The following ZCCHC14 variants were observed in gnomAD, a reference collection of about 807,000 sequenced individuals.
The protein encoded by ZCCHC14 is zinc finger CCHC-type containing 14, also known as zinc finger CCHC domain-containing protein 14.
A neutral mutation model predicts 85.0 loss-of-function variants in ZCCHC14; 16 were observed. The observed-to-expected ratio is 0.19, with a 90% CI of 0.13 to 0.29. The LOEUF (loss-of-function observed/expected upper bound fraction) is 0.29. Ranked by LOEUF, ZCCHC14 falls within the 10% of genes least tolerant of loss-of-function variation. The pLI is 1.00. For missense variants in ZCCHC14, 1,303 were observed against 1,443.5 expected (o/e 0.90, Z 1.58); for synonymous variants, 775 against 630.7 (o/e 1.23, Z -3.43).
At chr16:87,419,740 T>G (rs780718999) in intron 6 of ZCCHC14, 43 bp downstream of exon 6, 20 of 1,513,008 alleles carry the variant, frequency 1.3e-5, no homozygotes, top group African/African-American at 1.0e-4. Flanking sequence ...CCAGCTGTTT[T>G]TTTTTTTTTT....
intron 2 of ZCCHC14, among the ~76,000 whole-genome samples, chr16:87,454,095 G>C (rs886719134): frequency 2.0e-5 from 3 of 152,092 alleles, no homozygotes; most frequent in African/African-American, 7.2e-5. Context: ...CAGATAAAAA[G>C]AAAATGTCCC....
At position 87,410,319 on chromosome 16, in the gene ZCCHC14, T is replaced by C; in HGVS notation, c.3222A>G (p.Lys1074=). The C allele has an allele frequency of 1.3e-6, 1 of 776,680 alleles. No homozygotes were observed. Among genetic ancestry groups the C allele is most frequent in the Non-Finnish European group, 2.4e-6 (1 of 416,650 alleles). 48.1% of individuals were successfully genotyped at this position (776,680 alleles called of 1,614,324 possible). ...DFNRPGTFRL[K]YAPPAESLDS... ...CCAGACTTTCTGCTGGAGGGGCGTA[T>C]TTCAACCTAAAAGTACCTAGAGAGA... Residue 1074 remains lysine (K), a synonymous_variant, in exon 13 of 13, where the codon AAA becomes AAG. Transcript: ENST00000671377.
At chr16:87,456,532 CCAAAAAAAAAAA>C (rs1910974982) in intron 2 of ZCCHC14, among the ~76,000 whole-genome samples, 2 of 7,836 alleles carry the variant, frequency 2.6e-4, no homozygotes, top group African/African-American at 3.0e-4. Context: ...GACTCTGTCT[CCAAAAAAAAAAA>C]AAAAAAAAAA....
chr16:87,445,155 C>T (rs1399718375), intron 2 of ZCCHC14, among the ~76,000 whole-genome samples: 2 of 151,706 alleles, frequency 1.3e-5, no homozygotes, highest in Admixed American at 1.3e-4. Flanking sequence ...CAACCTCTGC[C>T]TCCCAGGTTC....
chr16:87,466,948 G>A (rs1401244990), intron 1 of ZCCHC14, among the ~76,000 whole-genome samples: 1 of 150,724 alleles, frequency 6.6e-6, no homozygotes, highest in Non-Finnish European at 1.5e-5. Context: ...ATACGGACCT[G>A]AACAGTATTC....
chr16:87,425,091 C>T (rs1909299753), intron 3 of ZCCHC14, among the ~76,000 whole-genome samples: 1 of 152,110 alleles, frequency 6.6e-6, no homozygotes. Flanking sequence ...AGTCTCGTCA[C>T]ATCACGTAGC....
intron 3 of ZCCHC14, among the ~76,000 whole-genome samples, chr16:87,424,330 T>C (rs538940566): frequency 8.5e-5 from 13 of 152,116 alleles, no homozygotes; most frequent in African/African-American, 2.2e-4. Flanking sequence ...GGGCACACAG[T>C]GAGCCCAGGC....
chr16:87,480,400 C>T (rs1244591997), intron 1 of ZCCHC14, among the ~76,000 whole-genome samples: 4 of 151,348 alleles, frequency 2.6e-5, no homozygotes, highest in East Asian at 2.0e-4. Context: ...GAGACACTGT[C>T]TCAAAAAAAA....
At chr16:87,431,609 TGGACTAA>T (rs1328137920) in intron 3 of ZCCHC14, among the ~76,000 whole-genome samples, 1 of 152,116 alleles carries the variant, frequency 6.6e-6, no homozygotes. Context: ...CTGGACTAAC[TGGACTAA>T]GGATTGGGAG....
intron 2 of ZCCHC14, among the ~76,000 whole-genome samples, chr16:87,440,645 C>A (rs1004500314): frequency 5.9e-5 from 9 of 152,118 alleles, no homozygotes; most frequent in African/African-American, 2.2e-4. Context: ...CTCACTCTGT[C>A]GCCCAGGCTG....
chr16:87,459,784 C>T (rs1278575807), intron 2 of ZCCHC14, among the ~76,000 whole-genome samples: 2 of 152,192 alleles, frequency 1.3e-5, no homozygotes, highest in Non-Finnish European at 2.9e-5. Flanking sequence ...GCTGGGATTA[C>T]AGGTGTGAGA....
chr16:87,429,651 A>G (rs1909551907), intron 3 of ZCCHC14, among the ~76,000 whole-genome samples: 1 of 152,070 alleles, frequency 6.6e-6, no homozygotes, highest in Non-Finnish European at 1.5e-5. Context: ...TTGTTGCCCA[A>G]GCTGGAGTGC....
chr16:87,460,735 T>C (rs1192764294), intron 1 of ZCCHC14, among the ~76,000 whole-genome samples: 1 of 152,170 alleles, frequency 6.6e-6, no homozygotes, highest in African/African-American at 2.4e-5. Context: ...GCATGAATTA[T>C]ATATTTTTAT....
At chr16:87,478,206 G>A (rs746285436) in intron 1 of ZCCHC14, among the ~76,000 whole-genome samples, 4 of 152,322 alleles carry the variant, frequency 2.6e-5, no homozygotes, top group East Asian at 1.9e-4. Context: ...ACTGCACGAC[G>A]TGTGGCACAA....
intron 3 of ZCCHC14, among the ~76,000 whole-genome samples, chr16:87,427,250 C>T (rs1287841077): frequency 6.6e-6 from 1 of 152,242 alleles, no homozygotes; most frequent in Non-Finnish European, 1.5e-5. Context: ...TACCTAGTGC[C>T]TGCTGCTCTG....
chr16:87,433,252 A>G (rs1909752449), intron 2 of ZCCHC14, 51 bp from the exon 3 acceptor site: 1 of 1,538,968 alleles, frequency 6.5e-7, no homozygotes, highest in South Asian at 1.1e-5. Flanking sequence ...TGAAGTATAT[A>G]CATGATTATT....
At chr16:87,487,802 A>G (rs1490170371) in intron 1 of ZCCHC14, among the ~76,000 whole-genome samples, 1 of 152,242 alleles carries the variant, frequency 6.6e-6, no homozygotes, top group Non-Finnish European at 1.5e-5. Flanking sequence ...GCCACTCGGC[A>G]GCGAAAGAGG....
At chr16:87,470,334 A>G (rs949235924) in intron 1 of ZCCHC14, 1 of 151,780 alleles carries the variant, frequency 6.6e-6, no homozygotes, top group African/African-American at 2.4e-5. Flanking sequence ...CAACTCAAAT[A>G]AATAAATAAA....
chr16:87,481,685 C>G (rs186343713), intron 1 of ZCCHC14, among the ~76,000 whole-genome samples: 315 of 152,032 alleles, frequency 2.1e-3, no homozygotes, highest in Admixed American at 7.2e-3. Flanking sequence ...ATATTTAGGA[C>G]TTGGTCATAA....
Sources: gnomAD v4.1 joint callset for allele counts (sites outside exome capture counted in the v4.1 genomes callset) on GRCh38, gnomAD v4.1.1 for gene constraint, MANE v1.5 for transcripts, NCBI Gene and HGNC (gene_info 2026-07-23, HGNC 2026-07-21) for gene names.